Variants in BLTP3A observed in about 807,000 individuals in gnomAD.
BLTP3A encodes the protein ICBP90 binding protein 1.
the BLTP3A span, chr6:34,821,720 A>G: frequency 6.2e-7 from 1 of 1,614,184 alleles, no homozygotes; most frequent in South Asian, 1.1e-5. Flanking sequence ...TCAGCTGACC[A>G]ACCTGGAGCT....
At chr6:34,856,466 G>T in the BLTP3A span, 4 of 1,567,506 alleles carry the variant, frequency 2.6e-6, no homozygotes, top group Admixed American at 3.7e-5. Context: ...ATTTATCTTT[G>T]AATAACAGTG....
chr6:34,858,983 C>T, the BLTP3A span: 7 of 1,613,970 alleles, frequency 4.3e-6, no homozygotes, highest in African/African-American at 4.0e-5. Context: ...GTTCTCTTTC[C>T]CAGTGCTGAA....
the BLTP3A span, among the ~76,000 whole-genome samples, chr6:34,825,984 T>C: frequency 6.6e-6 from 1 of 151,982 alleles, no homozygotes; most frequent in Non-Finnish European, 1.5e-5. Flanking sequence ...TGTCAAACTT[T>C]TCCAGAGTGG....
chr6:34,805,899 T>G, the BLTP3A span, among the ~76,000 whole-genome samples: 1 of 152,178 alleles, frequency 6.6e-6, no homozygotes, highest in East Asian at 1.9e-4. Context: ...TATAAAAGCT[T>G]GTAGACTGGG....
the BLTP3A span, chr6:34,834,553 C>A: frequency 7.3e-7 from 1 of 1,361,116 alleles, no homozygotes; most frequent in Non-Finnish European, 1.0e-6. Context: ...AGTGTTACTG[C>A]TACATCCTTT....
At chr6:34,792,982 A>G in the BLTP3A span, among the ~76,000 whole-genome samples, 3 of 152,050 alleles carry the variant, frequency 2.0e-5, no homozygotes. Flanking sequence ...TTTTCTTTTC[A>G]TTACATAGCC....
At chr6:34,859,647 C>A in the BLTP3A span, 11 of 1,562,454 alleles carry the variant, frequency 7.0e-6, no homozygotes, top group Non-Finnish European at 9.5e-6. Flanking sequence ...AGGCCTCTTA[C>A]TATGTGCATT....
chr6:34,821,352 A>C, the BLTP3A span: 1 of 231,290 alleles, frequency 4.3e-6, no homozygotes. Context: ...TAGGTTCTTT[A>C]GTAGGATGAT....
At chr6:34,847,770 T>G in the BLTP3A span, among the ~76,000 whole-genome samples, 1,284 of 151,396 alleles carry the variant, frequency 8.5e-3, 19 homozygotes, top group African/African-American at 0.027. Context: ...TATTGTTTTT[T>G]TTTCAATTTC....
the BLTP3A span, chr6:34,792,296 T>A: frequency 3.9e-6 from 6 of 1,542,454 alleles, no homozygotes; most frequent in Non-Finnish European, 5.2e-6. Context: ...CCTGTCCCGG[T>A]GAGAGCGCCA....
At chr6:34,850,452 A>G in the BLTP3A span, among the ~76,000 whole-genome samples, 5 of 152,180 alleles carry the variant, frequency 3.3e-5, no homozygotes, top group Non-Finnish European at 5.9e-5. Context: ...TTCTACCCCA[A>G]TGTCTCCTTC....
chr6:34,801,607 T>G, the BLTP3A span, among the ~76,000 whole-genome samples: 1 of 152,214 alleles, frequency 6.6e-6, no homozygotes, highest in Non-Finnish European at 1.5e-5. Flanking sequence ...GACTTTTGAA[T>G]GTCGTTAGAT....
chr6:34,846,611 T>G, the BLTP3A span, among the ~76,000 whole-genome samples: 1 of 152,254 alleles, frequency 6.6e-6, no homozygotes, highest in African/African-American at 2.4e-5. Flanking sequence ...GTGTATTGAT[T>G]TTATATCCTG....
At chr6:34,804,421 G>A in the BLTP3A span, among the ~76,000 whole-genome samples, 1 of 152,194 alleles carries the variant, frequency 6.6e-6, no homozygotes, top group Non-Finnish European at 1.5e-5. Context: ...CTAACTGCCA[G>A]TAGGTCTGTA....
At chr6:34,864,522 C>CTT in the BLTP3A span, among the ~76,000 whole-genome samples, 1,934 of 109,364 alleles carry the variant, frequency 0.018, 88 homozygotes, top group African/African-American at 0.042. Flanking sequence ...TGCTTATAGT[C>CTT]TTTTTTTTTT....
the BLTP3A span, chr6:34,875,095 G>C: frequency 6.6e-6 from 1 of 152,628 alleles, no homozygotes; most frequent in Non-Finnish European, 1.5e-5. Flanking sequence ...AATCAGAAAT[G>C]TAAGGAGCTC....
chr6:34,851,589 G>A, the BLTP3A span, among the ~76,000 whole-genome samples: 67,901 of 152,066 alleles, frequency 0.45, 17,209 homozygotes, highest in African/African-American at 0.7. Context: ...AGCCAGCACT[G>A]TACTGGGTCT....
chr6:34,813,731 T>C, the BLTP3A span, among the ~76,000 whole-genome samples: 1 of 152,232 alleles, frequency 6.6e-6, no homozygotes, highest in Non-Finnish European at 1.5e-5. Context: ...ATAATTCTTC[T>C]CAAGAATTCA....
the BLTP3A span, chr6:34,857,998 C>A: frequency 6.4e-7 from 1 of 1,566,974 alleles, no homozygotes. Context: ...TGGTTTTGCT[C>A]TGTCCATTTT....
Sources: gnomAD v4.1 joint callset for allele counts (sites outside exome capture counted in the v4.1 genomes callset) on GRCh38, gnomAD v4.1.1 for gene constraint, MANE v1.5 for transcripts, NCBI Gene and HGNC (gene_info 2026-07-23, HGNC 2026-07-21) for gene names.